The following GATA4 variants were observed in gnomAD, a reference collection of about 807,000 sequenced individuals.
GATA4 encodes the protein transcription factor GATA-4.
Under a neutral mutation model 37.9 loss-of-function variants are expected in GATA4, and 7 were observed. That is an observed-to-expected ratio of 0.18 (90% CI 0.11 to 0.35). The LOEUF is 0.35. Among genes scored for constraint, GATA4 ranks in the 10% least tolerant of loss-of-function variants. The pLI is 1.00. For missense variants in GATA4, 647 were observed against 653.0 expected, an observed-to-expected ratio of 0.99 and a Z score of 0.10; for synonymous variants, 372 against 292.6, an observed-to-expected ratio of 1.27 and a Z score of -2.77.
rs187861055 is a variant in GATA4 at position 11,723,268 on chromosome 8, G to C, written c.616+14340G>C. On this transcript the variant is annotated intron_variant, in intron 2 of 6. Coordinates refer to ENST00000532059, the MANE Select transcript of GATA4 (RefSeq NM_001308093.3). ...GATACTTGGGAGGCTGAAGTGGGAG[G>C]ATTGCTTGACCTGGGAGTTCGAGGC... Among the ~76,000 whole-genome samples, 156 of 152,028 alleles carry C rather than the reference G, an allele frequency of 1.0e-3. 4 individuals are homozygous for C. In the East Asian group the frequency reaches 0.015, roughly 15 times the overall value.
intron 1 of GATA4, among the ~76,000 whole-genome samples, chr8:11,685,293 A>C (rs1392790856): frequency 1.3e-5 from 2 of 152,256 alleles, no homozygotes; most frequent in Admixed American, 1.3e-4. Flanking sequence ...AAGAGAGAAG[A>C]CTAATGTTTC....
At chr8:11,729,908 C>T (rs1801120059) in intron 2 of GATA4, among the ~76,000 whole-genome samples, 1 of 151,234 alleles carries the variant, frequency 6.6e-6, no homozygotes, top group African/African-American at 2.4e-5. Flanking sequence ...ATATTCCTAC[C>T]ACTTACTATT....
intron 1 of GATA4, among the ~76,000 whole-genome samples, chr8:11,694,848 T>C (rs891406680): frequency 2.6e-5 from 4 of 152,168 alleles, no homozygotes; most frequent in African/African-American, 9.7e-5. Context: ...CTCCTCTCTC[T>C]CTCTCTGTCT....
chr8:11,713,163 C>T (rs1585607929), intron 2 of GATA4, among the ~76,000 whole-genome samples: 1 of 152,030 alleles, frequency 6.6e-6, no homozygotes, highest in Admixed American at 6.6e-5. Context: ...TAAAAGTTAA[C>T]AGGGGCCTCT....
At chr8:11,742,570 G>A (rs1239567477) in intron 2 of GATA4, among the ~76,000 whole-genome samples, 8 of 152,170 alleles carry the variant, frequency 5.3e-5, no homozygotes, top group African/African-American at 1.7e-4. Flanking sequence ...CAAGGTGGGC[G>A]GTAACTGGTA....
upstream of GATA4, among the ~76,000 whole-genome samples, chr8:11,692,239 A>T (rs1254948348): frequency 6.6e-6 from 1 of 152,190 alleles, no homozygotes; most frequent in Non-Finnish European, 1.5e-5. Flanking sequence ...AACTGGGGGA[A>T]ACTGAGCGCA....
intron 2 of GATA4, among the ~76,000 whole-genome samples, chr8:11,728,510 AG>A (rs1801051591): frequency 6.6e-6 from 1 of 150,546 alleles, no homozygotes; most frequent in Non-Finnish European, 1.5e-5. Context: ...CTGGGACTAC[AG>A]GTGTGCACCA....
At position 11,758,455 on chromosome 8, in the gene GATA4, G is replaced by T. The variant is rs748737164; in HGVS notation, c.1312G>T (p.Gly438Trp). 6.2e-7 allele frequency: 1 copy of T among 1,614,180 alleles called. No homozygotes were observed. The highest frequency in any genetic ancestry group is 8.5e-7 in the Non-Finnish European group (1 of 1,180,032). ...CAGCCTGGTCTTGGCCGACAGTCAC[G>T]GGGACATAATCACTGCGTAATCTTC... ...WNSLVLADSH[G>W]DIITA The change falls in exon 7 of 7, where the codon GGG becomes TGG. Residue 438 changes from glycine to tryptophan, a missense_variant. By Grantham distance (184) the Gly-to-Trp change is radical (BLOSUM62 -2). This residue lies in a region of GATA4 where 184 missense variants were observed against 157.1 expected (regional missense o/e 1.17). Coordinates refer to ENST00000532059, the MANE Select transcript of GATA4 (RefSeq NM_001308093.3).
intron 1 of GATA4, among the ~76,000 whole-genome samples, chr8:11,706,419 G>A (rs1166462295): frequency 2.0e-5 from 3 of 152,046 alleles, no homozygotes; most frequent in African/African-American, 4.8e-5. Flanking sequence ...CTTTCTTTTT[G>A]CCTGTTAGGA....
intron 2 of GATA4, among the ~76,000 whole-genome samples, chr8:11,719,818 G>C (rs1020518575): frequency 1.1e-4 from 17 of 152,196 alleles, no homozygotes; most frequent in African/African-American, 4.1e-4. Flanking sequence ...AAATTGACCA[G>C]CACTGTCAAT....
At chr8:11,693,562 C>CACACAGAGAG (rs1405047773) in intron 1 of GATA4, among the ~76,000 whole-genome samples, 28 of 72,228 alleles carry the variant, frequency 3.9e-4, no homozygotes, top group South Asian at 1.4e-3. Context: ...CACACACACA[C>CACACAGAGAG]AGAGAGAGAG....
intron 2 of GATA4, among the ~76,000 whole-genome samples, chr8:11,734,272 T>C (rs957091231): frequency 6.6e-6 from 1 of 152,242 alleles, no homozygotes; most frequent in African/African-American, 2.4e-5. Flanking sequence ...TATATATCAG[T>C]AAGTGTCTTA....
At chr8:11,718,819 G>A (rs1800544141) in intron 2 of GATA4, among the ~76,000 whole-genome samples, 1 of 152,242 alleles carries the variant, frequency 6.6e-6, no homozygotes, top group South Asian at 2.1e-4. Flanking sequence ...AGCAACTGGT[G>A]AGCAGGTTAA....
intron 2 of GATA4, among the ~76,000 whole-genome samples, chr8:11,713,392 T>G (rs564323147): frequency 1.3e-5 from 2 of 152,150 alleles, no homozygotes; most frequent in African/African-American, 4.8e-5. Flanking sequence ...TTAGCAAATA[T>G]TTGCGTAGGG....
chr8:11,679,565 C>G (rs550075805), intron 1 of GATA4, among the ~76,000 whole-genome samples: 1 of 152,348 alleles, frequency 6.6e-6, no homozygotes, highest in African/African-American at 2.4e-5. Flanking sequence ...CCCTGGGCCG[C>G]TTGCGGGGCG....
intron 1 of GATA4, among the ~76,000 whole-genome samples, chr8:11,679,570 GGGGCGCGCAGCCGGGGAGAGGAGCT>G (rs1264660907): frequency 1.3e-5 from 2 of 152,212 alleles, no homozygotes; most frequent in Non-Finnish European, 2.9e-5. Context: ...GGCCGCTTGC[GGGGCGCGCAGCCGGGGAGAGGAGCT>G]GGGCGCGCGG....
intron 1 of GATA4, among the ~76,000 whole-genome samples, chr8:11,696,882 C>T (rs1799524201): frequency 6.6e-6 from 1 of 152,320 alleles, no homozygotes; most frequent in Non-Finnish European, 1.5e-5. Flanking sequence ...GCCCACCAGC[C>T]CCTGAGCCTA....
chr8:11,692,515 G>A (rs769592503), upstream of GATA4: 2 of 985,348 alleles, frequency 2.0e-6, no homozygotes, highest in African/African-American at 3.5e-5. Flanking sequence ...AGTAATTCCC[G>A]TGAAACTATG....
chr8:11,692,558 G>C (rs527532477), upstream of GATA4: 28 of 985,422 alleles, frequency 2.8e-5, no homozygotes, highest in South Asian at 6.1e-4. Flanking sequence ...CTGATCCTTC[G>C]GGCCGCGGCG....
Sources: gnomAD v4.1 joint callset for allele counts (sites outside exome capture counted in the v4.1 genomes callset) on GRCh38, gnomAD v4.1.1 for gene constraint, gnomAD v4.1.1 regional missense constraint, MANE v1.5 for transcripts, NCBI Gene and HGNC (gene_info 2026-07-23, HGNC 2026-07-21) for gene names.